The following PTPN12 variants were observed in gnomAD, a reference collection of about 807,000 sequenced individuals.
The protein encoded by PTPN12 is protein tyrosine phosphatase non-receptor type 12.
Under a neutral mutation model 97.6 loss-of-function variants are expected in PTPN12, and 29 were observed. That is an observed-to-expected ratio of 0.30 (90% confidence interval 0.22 to 0.41). PTPN12 has a LOEUF of 0.41. Ranked by LOEUF, PTPN12 falls within the 10% of genes least tolerant of loss-of-function variation. The pLI is 1.00. For synonymous variants in PTPN12, 327 were observed against 300.4 expected, an observed-to-expected ratio of 1.09 and a Z score of -0.91; for missense variants, 819 against 926.0, an observed-to-expected ratio of 0.88 and a Z score of 1.50.
intron 9 of PTPN12, 125 bp downstream of exon 9, chr7:77,607,426 T>C (rs1788410270): frequency 2.7e-6 from 2 of 745,670 alleles, no homozygotes; most frequent in Non-Finnish European, 4.2e-6. Context: ...AGTAGTTTTA[T>C]TAAGTAAGAA....
Position 77,632,399 on chromosome 7 carries a change from A to T in PTPN12, c.2048A>T (p.Glu683Val). 3 of 1,611,228 alleles carry T rather than the reference A, an allele frequency of 1.9e-6. No homozygotes were observed. The highest frequency in any genetic ancestry group is 2.5e-6 in the Non-Finnish European group (3 of 1,177,500). ...SPPPLPERTP[E>V]SFVLASEHNT... is the part of the protein sequence containing the mutation. ...CCTCCCCTACCTGAAAGAACTCCTG[A>T]ATCGTTTGTGTTAGCAAGTGAACAT... The change falls in exon 14 of 18, where the codon GAA (glutamate) becomes GTA (valine). Residue 683 changes from glutamate (E) to valine (V), a missense_variant. Around this residue, in one of 5 missense-constraint regions of PTPN12, gnomAD observed 607 missense variants for 577.3 expected, o/e 1.05. Coordinates refer to ENST00000248594, the MANE Select transcript of PTPN12 (RefSeq NM_002835.4).
chr7:77,575,270 A>T (rs1441515131), intron 2 of PTPN12, among the ~76,000 whole-genome samples: 1 of 152,168 alleles, frequency 6.6e-6, no homozygotes, highest in African/African-American at 2.4e-5. Context: ...TGGGCAGATT[A>T]TTTGAGCTCA....
intron 1 of PTPN12, among the ~76,000 whole-genome samples, chr7:77,558,711 G>A (rs1158419845): frequency 6.6e-6 from 1 of 152,176 alleles, no homozygotes; most frequent in African/African-American, 2.4e-5. Flanking sequence ...GGTTCACTGT[G>A]CCCAAACTGT....
At chr7:77,568,070 C>T (rs1227626611) in intron 1 of PTPN12, among the ~76,000 whole-genome samples, 1 of 152,086 alleles carries the variant, frequency 6.6e-6, no homozygotes, top group African/African-American at 2.4e-5. Flanking sequence ...ACTTTTGTAT[C>T]TCTGATGGGC....
intron 8 of PTPN12, among the ~76,000 whole-genome samples, chr7:77,606,200 G>T (rs7792832): frequency 0.016 from 2,403 of 151,806 alleles, 63 homozygotes; most frequent in African/African-American, 0.054. Flanking sequence ...GTGATCCACC[G>T]GCCTCAGGCT....
Position 77,565,552 on chromosome 7 carries a change from T to G in PTPN12, c.100-5526T>G, listed in dbSNP as rs185504329. On this transcript the variant is annotated intron_variant, in intron 1 of 17. Transcript: ENST00000248594. Reference sequence around the variant, plus strand: ...TCCAGTGGACAGGCCAATAGACAGCTCTTTGACTCTGGAGAGATTTAACAA... The same window carrying G: ...TCCAGTGGACAGGCCAATAGACAGCGCTTTGACTCTGGAGAGATTTAACAA... Among the ~76,000 whole-genome samples the G allele has an allele frequency of 6.6e-5, 10 of 152,336 alleles. No homozygotes were observed. The East Asian group carries it at 1.9e-3, about 29-fold the overall frequency.
At chr7:77,551,427 T>G (rs145284838) in intron 1 of PTPN12, among the ~76,000 whole-genome samples, 1 of 152,338 alleles carries the variant, frequency 6.6e-6, no homozygotes, top group Non-Finnish European at 1.5e-5. Context: ...GAGTGGCAAT[T>G]TGTTCAGCTT....
At chr7:77,611,818 A>T (rs573991014) in intron 11 of PTPN12, among the ~76,000 whole-genome samples, 30 of 152,288 alleles carry the variant, frequency 2.0e-4, no homozygotes, top group South Asian at 4.1e-4. Context: ...GTTGTGTTAT[A>T]ATTCAGTGTT....
chr7:77,581,551 C>G, intron 3 of PTPN12, 48 bp downstream of exon 3: 2 of 1,200,470 alleles, frequency 1.7e-6, no homozygotes, highest in Non-Finnish European at 2.3e-6. Context: ...TAATGTCTTT[C>G]TACATACTAG....
intron 12 of PTPN12, among the ~76,000 whole-genome samples, chr7:77,621,504 C>T: frequency 6.6e-6 from 1 of 152,078 alleles, no homozygotes; most frequent in Admixed American, 6.5e-5. Context: ...CCCTGTGTCT[C>T]CTAAAAATAC....
intron 17 of PTPN12, 112 bp from the exon 18 acceptor site, chr7:77,639,107 C>A (rs1789707695): frequency 2.3e-6 from 2 of 862,424 alleles, no homozygotes; most frequent in Admixed American, 3.1e-5. Flanking sequence ...ATTCTAAATT[C>A]CCTTGTGGAA....
chr7:77,613,484 T>G (rs1562750381), intron 11 of PTPN12, among the ~76,000 whole-genome samples: 1 of 151,886 alleles, frequency 6.6e-6, no homozygotes. Flanking sequence ...ATCTTTAAAC[T>G]TTAATTGAAA....
At chr7:77,589,968 T>C (rs1787813288) in intron 5 of PTPN12, among the ~76,000 whole-genome samples, 1 of 152,218 alleles carries the variant, frequency 6.6e-6, no homozygotes, top group African/African-American at 2.4e-5. Flanking sequence ...TTATTAGTAA[T>C]AGATTATGAG....
intron 8 of PTPN12, among the ~76,000 whole-genome samples, chr7:77,601,993 A>G (rs77860236): frequency 6.6e-6 from 1 of 152,176 alleles, no homozygotes; most frequent in Non-Finnish European, 1.5e-5. Flanking sequence ...TGAAAGGACA[A>G]GTATAGGTGC....
chr7:77,565,888 C>T (rs1344606752), intron 1 of PTPN12, among the ~76,000 whole-genome samples: 1 of 152,198 alleles, frequency 6.6e-6, no homozygotes. Flanking sequence ...TTTTGCTTTG[C>T]ATTAGCTATT....
chr7:77,600,903 C>T, intron 8 of PTPN12, 97 bp downstream of exon 8: 1 of 1,090,978 alleles, frequency 9.2e-7, no homozygotes, highest in South Asian at 1.6e-5. Flanking sequence ...TCTTGAATTT[C>T]TCCTAGCCTT....
rs202083107 is a variant in PTPN12 at position 77,609,275 on chromosome 7, T to C, written c.763-1490T>C. Among the ~76,000 whole-genome samples the C allele has an allele frequency of 3.5e-3, 312 of 88,078 alleles. 1 individual carries two copies. Among genetic ancestry groups the C allele is most frequent in the Middle Eastern group, 0.011 (2 of 178 alleles). 57.8% of individuals were successfully genotyped at this position (88,078 alleles called of 152,430 possible). A position where few individuals can be genotyped will look rare whatever the true frequency, so the allele number is the denominator to read the frequency against. On this transcript the variant is annotated intron_variant, in intron 9 of 17. Coordinates refer to ENST00000248594, the MANE Select transcript of PTPN12 (RefSeq NM_002835.4). ...TTTGAACATAGTTCTCTCTCTCTCT[T>C]TTTTTTTTTTTTTTGAGATGGAGTC...
intron 8 of PTPN12, among the ~76,000 whole-genome samples, chr7:77,604,536 G>A (rs1035612537): frequency 3.3e-5 from 5 of 151,990 alleles, no homozygotes; most frequent in Non-Finnish European, 7.4e-5. Context: ...AGTTATACAA[G>A]TGCTTTATAT....
chr7:77,592,279 A>C (rs774171486), intron 6 of PTPN12, 23 bp downstream of exon 6: 13 of 1,580,632 alleles, frequency 8.2e-6, no homozygotes, highest in Admixed American at 1.8e-5. Flanking sequence ...TTTTGTAAAC[A>C]CTTTTTTCAG....
Sources: gnomAD v4.1 joint callset for allele counts (sites outside exome capture counted in the v4.1 genomes callset) on GRCh38, gnomAD v4.1.1 for gene constraint, gnomAD v4.1.1 regional missense constraint, MANE v1.5 for transcripts, NCBI Gene and HGNC (gene_info 2026-07-23, HGNC 2026-07-21) for gene names.